The following POLR3F variants were observed in gnomAD, a reference collection of about 807,000 sequenced individuals.
The protein encoded by POLR3F is RNA polymerase III subunit F.
POLR3F carries 31 observed loss-of-function variants against 43.6 expected under a neutral mutation model. The ratio of observed to expected loss-of-function variants is 0.71; its 90% CI spans 0.53 to 0.96. POLR3F has a LOEUF of 0.96. POLR3F is among the 40% of genes least tolerant of loss of function. The pLI, the probability that POLR3F is intolerant of heterozygous loss-of-function variation, is 0.00. For missense variants in POLR3F, 316 were observed against 391.7 expected (o/e 0.81, Z 1.63); for synonymous variants, 114 against 132.5 (o/e 0.86, Z 0.96).
intron 8 of POLR3F, among the ~76,000 whole-genome samples, chr20:18,482,025 T>A (rs2059813429): frequency 7.5e-6 from 1 of 133,868 alleles, no homozygotes; most frequent in South Asian, 2.4e-4. Flanking sequence ...TCTCACTCTA[T>A]CACCGAGGCT....
chr20:18,470,627 G>A (rs554130490), intron 2 of POLR3F: 2 of 154,788 alleles, frequency 1.3e-5, no homozygotes, highest in Non-Finnish European at 2.9e-5. Context: ...AAGGGATTCT[G>A]GGAGGTTGTA....
intron 8 of POLR3F, 121 bp from the exon 9 acceptor site, chr20:18,483,360 A>G (rs1482046042): frequency 3.8e-6 from 2 of 526,854 alleles, no homozygotes; most frequent in Non-Finnish European, 6.5e-6. Context: ...TATGTTCTTA[A>G]GTACAGTCCT....
intron 8 of POLR3F, among the ~76,000 whole-genome samples, chr20:18,482,941 C>G (rs546141360): frequency 1.3e-5 from 2 of 152,234 alleles, no homozygotes; most frequent in East Asian, 3.9e-4. Flanking sequence ...CCTGTGTTAC[C>G]TGGTGATAGC....
At chr20:18,476,635 G>C (rs2059782104) in intron 5 of POLR3F, among the ~76,000 whole-genome samples, 2 of 152,168 alleles carry the variant, frequency 1.3e-5, no homozygotes, top group African/African-American at 4.8e-5. Flanking sequence ...AACTCCAATA[G>C]TAGTCTATGA....
chr20:18,467,452 T>G lies in POLR3F; in HGVS notation c.-55T>G. 6.2e-7 allele frequency: 1 copy of G among 1,600,012 alleles called. No individual in the cohort carries two copies. The highest frequency in any genetic ancestry group is 8.6e-7 in the Non-Finnish European group (1 of 1,167,194). On this transcript the variant is annotated 5_prime_UTR_variant, in exon 1 of 9. Transcript: ENST00000377603. ...CACTGGTTCCCCGGGTTCCCCGGCT[T>G]GCTACCGGGCTGCTCCGTGCATCTT...
chr20:18,468,612 G>A (rs1055062145), intron 1 of POLR3F, among the ~76,000 whole-genome samples: 1 of 152,008 alleles, frequency 6.6e-6, no homozygotes, highest in Non-Finnish European at 1.5e-5. Flanking sequence ...GCAGATTTAT[G>A]GCTTAACTTT....
rs1019317337 is a variant in POLR3F, at chr20:18,484,402, T to A, written c.*844T>A. 6 of 337,290 alleles carry A rather than the reference T, an allele frequency of 1.8e-5. No homozygotes were observed. Among genetic ancestry groups the A allele is most frequent in the Admixed American group, 4.9e-5 (1 of 20,530 alleles). 20.9% of individuals were successfully genotyped at this position (337,290 alleles called of 1,614,324 possible). The stretch of plus-strand genomic sequence containing the variant: ...AATCTCATTTCCAATGTGATGGTAT[T>A]TGGAGGTGGGGCTTTTGGTAAGTGA... On this transcript the variant is annotated 3_prime_UTR_variant, in exon 9 of 9. Coordinates refer to ENST00000377603, the MANE Select transcript of POLR3F (RefSeq NM_006466.4).
Position 18,480,484 on chromosome 20 carries a change from A to T in POLR3F, c.656A>T (p.Tyr219Phe). ...GCCTCATCACATGAAGTGTGGAAATATATCTGCGAATTGGGAATCAGTAAG... is the reference window on the plus strand; with the variant it reads ...GCCTCATCACATGAAGTGTGGAAATTTATCTGCGAATTGGGAATCAGTAAG... ...SFASSHEVWK[Y>F]ICELGISKVE... The change falls in exon 7 of 9, where the codon TAT becomes TTT. Residue 219 changes from tyrosine (Y) to phenylalanine (F), a missense_variant. Transcript: ENST00000377603. The T allele has an allele frequency of 6.3e-7, 1 of 1,598,924 alleles. No individual in the cohort carries two copies. Among genetic ancestry groups the T allele is most frequent in the Non-Finnish European group, 8.6e-7 (1 of 1,166,296 alleles).
At chr20:18,473,916 C>T (rs895944739) in intron 4 of POLR3F, among the ~76,000 whole-genome samples, 18 of 151,938 alleles carry the variant, frequency 1.2e-4, no homozygotes, top group African/African-American at 4.1e-4. Context: ...GATGTCCCTC[C>T]GCAGCTATAG....
chr20:18,469,086 A>T (rs1462132708), intron 2 of POLR3F, 25 bp downstream of exon 2: 1 of 950,490 alleles, frequency 1.1e-6, no homozygotes, highest in South Asian at 1.3e-5. Flanking sequence ...ACTATTTTGC[A>T]TAATTACTGA....
Position 18,475,107 on chromosome 20 carries a change from A to T in POLR3F, c.349A>T (p.Asn117Tyr). 6.6e-7 allele frequency: 1 copy of T among 1,509,884 alleles called. No homozygotes were observed. Among genetic ancestry groups the T allele is most frequent in the Non-Finnish European group, 9.2e-7 (1 of 1,086,152 alleles). The allele number at this position is 1,509,884 out of a possible 1,614,324, so 93.5% of individuals were successfully genotyped here. The change falls in exon 5 of 9, where the codon AAT becomes TAT. Residue 117 changes from asparagine (N) to tyrosine (Y), a missense_variant. Around this residue, in one of 3 missense-constraint regions of POLR3F, gnomAD observed 109 missense variants for 177.7 expected, o/e 0.61. Transcript: ENST00000377603. Reference sequence around the variant, plus strand: ...GAGCAGAGATATCCGCTATAAAAGTAATTTGCCATTAACAGAAATCAACAA... The same window carrying T: ...GAGCAGAGATATCCGCTATAAAAGTTATTTGCCATTAACAGAAATCAACAA... ...IWSRDIRYKS[N>Y]LPLTEINKIL...
In POLR3F at chr20:18,481,777, A is replaced by G. The variant is rs1055171; in HGVS notation, c.840A>G (p.Thr280=). 0.86 allele frequency: 1,393,898 copies of G among 1,613,084 alleles called. 603,912 individuals carry two copies. Among genetic ancestry groups the G allele is most frequent in the South Asian group, 0.91 (82,676 of 91,046 alleles). Residue 280 remains threonine (T), a synonymous_variant, in exon 8 of 9, where the codon ACA becomes ACG. Coordinates refer to ENST00000377603, the MANE Select transcript of POLR3F (RefSeq NM_006466.4). ...YRAVNPIIPP[T]GLVRAPCGLC... ...CAGTCAATCCAATCATCCCTCCCAC[A>G]GGTTTGGTCCGGGCACCCTGTGGAC...
At chr20:18,482,223 A>G (rs951612052) in intron 8 of POLR3F, among the ~76,000 whole-genome samples, 2 of 152,050 alleles carry the variant, frequency 1.3e-5, no homozygotes, top group Admixed American at 1.3e-4. Flanking sequence ...TCCTGACCTC[A>G]GGTGATCCCC....
In POLR3F at chr20:18,467,559, T is replaced by C; in HGVS notation, c.53T>C (p.Ile18Thr). The stretch of plus-strand genomic sequence containing the variant: ...CCGCCTGACGCGGATCCGGTCGAAA[T>C]AGAAAACAGGTAAACCAGTGAGGCT... ...VQPPDADPVE[I>T]ENRIIELCHQ... The change falls in exon 1 of 9, where the codon ATA becomes ACA. Residue 18 changes from isoleucine to threonine, a missense_variant. By Grantham distance (89) the Ile-to-Thr change is moderately conservative. Coordinates refer to ENST00000377603, the MANE Select transcript of POLR3F (RefSeq NM_006466.4). The C allele has an allele frequency of 6.2e-7, 1 of 1,614,160 alleles. No homozygotes were observed. The highest frequency in any genetic ancestry group is 8.5e-7 in the Non-Finnish European group (1 of 1,180,010).
At chr20:18,473,015 C>T in intron 3 of POLR3F, 106 bp downstream of exon 3, 1 of 530,578 alleles carries the variant, frequency 1.9e-6, no homozygotes, top group South Asian at 3.2e-5. Context: ...TGTGTATCAT[C>T]CCTGCCTCCT....
intron 8 of POLR3F, among the ~76,000 whole-genome samples, chr20:18,483,251 GACGGGGTTTCACC>G (rs548875053): frequency 8.5e-5 from 13 of 152,270 alleles, no homozygotes; most frequent in Admixed American, 3.9e-4. Context: ...TCTTAGTAGA[GACGGGGTTTCACC>G]ATGTTAGCCA....
At chr20:18,476,196 T>C (rs1292312447) in intron 5 of POLR3F, among the ~76,000 whole-genome samples, 1 of 152,240 alleles carries the variant, frequency 6.6e-6, no homozygotes. Context: ...CCATCACCGC[T>C]GTTCTAATTT....
chr20:18,474,862 C>T (rs1327987096), intron 4 of POLR3F, among the ~76,000 whole-genome samples: 1 of 152,036 alleles, frequency 6.6e-6, no homozygotes, highest in East Asian at 1.9e-4. Context: ...ACTGGGATTC[C>T]AAGAAATTTC....
chr20:18,481,983 CTTTTTT>C (rs56160449), intron 8 of POLR3F, among the ~76,000 whole-genome samples, 173 bp downstream of exon 8: 11 of 74,328 alleles, frequency 1.5e-4, no homozygotes, highest in South Asian at 5.0e-4. Flanking sequence ...CATTCCTTTA[CTTTTTT>C]TTTTTTTTTT....
Sources: gnomAD v4.1 joint callset for allele counts (sites outside exome capture counted in the v4.1 genomes callset) on GRCh38, gnomAD v4.1.1 for gene constraint, gnomAD v4.1.1 regional missense constraint, MANE v1.5 for transcripts, NCBI Gene and HGNC (gene_info 2026-07-23, HGNC 2026-07-21) for gene names.